Variants in HDAC9 observed in about 807,000 individuals in gnomAD.
HDAC9 encodes the protein histone deacetylase 9, also known as MEF-2 interacting transcription repressor (MITR) protein.
Under a neutral mutation model 139.4 loss-of-function variants are expected in HDAC9, and 41 were observed. That is an observed-to-expected ratio of 0.29 (90% CI 0.23 to 0.38). The LOEUF is 0.38. HDAC9 is among the 10% of genes least tolerant of loss of function. The pLI is 1.00. For synonymous variants in HDAC9, 517 were observed against 476.2 expected, an observed-to-expected ratio of 1.09 and a Z score of -1.12; for missense variants, 1,147 against 1,297.0, an observed-to-expected ratio of 0.88 and a Z score of 1.78.
At chr7:18,735,987 T>A (rs1786854969) in intron 13 of HDAC9, among the ~76,000 whole-genome samples, 1 of 152,224 alleles carries the variant, frequency 6.6e-6, no homozygotes, top group Non-Finnish European at 1.5e-5. Flanking sequence ...TTTTATTCTC[T>A]TTGTAGTAAT....
At chr7:18,453,676 T>C (rs1793087845) in intron 1 of HDAC9, among the ~76,000 whole-genome samples, 1 of 152,206 alleles carries the variant, frequency 6.6e-6, no homozygotes, top group South Asian at 2.1e-4. Context: ...TCATAACTTA[T>C]TTTGTTTTGT....
chr7:18,894,023 T>G lies in HDAC9; in HGVS notation c.2803+19427T>G, dbSNP rs114276504. ...GAAGTGGGGAAAAGTAGTCATAGTT[T>G]GATTTATTTTAAAGGTGAGTGAACT... On this transcript the variant is annotated intron_variant, in intron 22 of 25. Coordinates refer to ENST00000686413, the MANE Select transcript of HDAC9 (RefSeq NM_178425.4). 5.3e-3 allele frequency among the ~76,000 whole-genome samples: 812 copies of G among 152,212 alleles called. 6 individuals carry two copies. Among genetic ancestry groups the G allele is most frequent in the African/African-American group, 0.019 (787 of 41,550 alleles).
chr7:18,284,686 A>G (rs985030809), intron 2 of HDAC9, among the ~76,000 whole-genome samples: 3 of 152,140 alleles, frequency 2.0e-5, no homozygotes, highest in Non-Finnish European at 4.4e-5. Flanking sequence ...GTAAATTAGG[A>G]ATGAGAAAAC....
At chr7:18,586,682 C>T (rs1433610313) in intron 3 of HDAC9, among the ~76,000 whole-genome samples, 1 of 151,928 alleles carries the variant, frequency 6.6e-6, no homozygotes, top group Non-Finnish European at 1.5e-5. Context: ...ATCGTATATT[C>T]CTAAAAAGGC....
chr7:18,963,842 G>T (rs539018299), intron 24 of HDAC9, among the ~76,000 whole-genome samples: 2 of 152,202 alleles, frequency 1.3e-5, no homozygotes, highest in East Asian at 3.9e-4. Flanking sequence ...CACACCTAAG[G>T]CACTGTTTTA....
intron 2 of HDAC9, among the ~76,000 whole-genome samples, chr7:18,269,651 G>T (rs1487331574): frequency 6.6e-6 from 1 of 152,132 alleles, no homozygotes; most frequent in Non-Finnish European, 1.5e-5. Context: ...GAGCCCTGGA[G>T]TTGGAGGTTG....
chr7:18,142,642 C>T (rs530976610), intron 1 of HDAC9, among the ~76,000 whole-genome samples: 1 of 152,302 alleles, frequency 6.6e-6, no homozygotes, highest in Admixed American at 6.5e-5. Flanking sequence ...AGAGTTTTGT[C>T]CTTCCTGGGA....
chr7:18,723,775 A>G (rs1307985261), intron 12 of HDAC9, among the ~76,000 whole-genome samples: 3 of 152,100 alleles, frequency 2.0e-5, no homozygotes, highest in South Asian at 2.1e-4. Context: ...GTATCAAACT[A>G]CTCATTAACA....
intron 6 of HDAC9, among the ~76,000 whole-genome samples, chr7:18,602,525 T>C (rs774873421): frequency 2.0e-4 from 31 of 151,988 alleles, no homozygotes; most frequent in Non-Finnish European, 4.3e-4. Flanking sequence ...CTCTATTTTT[T>C]TTAAAGTGGA....
chr7:18,257,287 AGGAGGTG>A (rs1795319890), intron 2 of HDAC9, among the ~76,000 whole-genome samples: 1 of 57,562 alleles, frequency 1.7e-5, no homozygotes, highest in Non-Finnish European at 5.7e-5. Flanking sequence ...GCTTGAGCTC[AGGAGGTG>A]GAGGTCGCAA....
chr7:18,372,476 A>G (rs1784667198), intron 1 of HDAC9, among the ~76,000 whole-genome samples: 1 of 152,210 alleles, frequency 6.6e-6, no homozygotes, highest in African/African-American at 2.4e-5. Context: ...CCTTAAGTGA[A>G]GACCACGTCA....
In HDAC9 at chr7:18,495,868, C is replaced by G. The variant is rs568751593; in HGVS notation, c.-197C>G. On this transcript the variant is annotated 5_prime_UTR_variant, in exon 1 of 26. Transcript: ENST00000686413. ...ACTCTAAGCCAGGTTTAATTGGTTT[C>G]TTTTTCTCGTGGGTAGACTTAATAA... is the stretch of plus-strand genomic sequence containing the variant. 10 of 1,096,514 alleles carry G rather than the reference C, an allele frequency of 9.1e-6. No homozygotes were observed. In the Admixed American group the frequency reaches 4.9e-4, roughly 54 times the overall value. The allele number at this position is 1,096,514 out of a possible 1,614,324, so 67.9% of individuals were successfully genotyped here.
At chr7:18,123,152 G>C (rs1784458877) in intron 1 of HDAC9, among the ~76,000 whole-genome samples, 1 of 152,098 alleles carries the variant, frequency 6.6e-6, no homozygotes, top group Admixed American at 6.5e-5. Context: ...AATGGAAGCT[G>C]GTAGGCTATC....
At chr7:18,862,101 T>C (rs1323516719) in intron 21 of HDAC9, among the ~76,000 whole-genome samples, 1 of 152,138 alleles carries the variant, frequency 6.6e-6, no homozygotes, top group Admixed American at 6.5e-5. Context: ...GTTCTTGCAG[T>C]GAAATAGTTT....
chr7:18,586,908 A>G (rs1829632920), intron 3 of HDAC9, among the ~76,000 whole-genome samples: 1 of 152,128 alleles, frequency 6.6e-6, no homozygotes. Context: ...CTTTATTTAA[A>G]TTTGACCTTT....
At chr7:18,256,948 G>A (rs1276656829) in intron 2 of HDAC9, among the ~76,000 whole-genome samples, 1 of 151,890 alleles carries the variant, frequency 6.6e-6, no homozygotes, top group Non-Finnish European at 1.5e-5. Context: ...AAATAACCAG[G>A]CATGGTGGTG....
chr7:18,095,471 T>C (rs1782445469), intron 1 of HDAC9, among the ~76,000 whole-genome samples: 1 of 152,184 alleles, frequency 6.6e-6, no homozygotes, highest in Non-Finnish European at 1.5e-5. Flanking sequence ...ATTTATGGTC[T>C]TCTTGCAATT....
chr7:18,548,298 T>C (rs2128647803), intron 2 of HDAC9, among the ~76,000 whole-genome samples: 1 of 152,188 alleles, frequency 6.6e-6, no homozygotes, highest in Middle Eastern at 3.4e-3. Flanking sequence ...AGATCACTGA[T>C]TACAGATTAC....
At chr7:18,739,661 C>A (rs1335892491) in intron 13 of HDAC9, among the ~76,000 whole-genome samples, 1 of 152,130 alleles carries the variant, frequency 6.6e-6, no homozygotes, top group African/African-American at 2.4e-5. Flanking sequence ...AGGCAGCTGC[C>A]TATATGAGGT....
Sources: allele counts gnomAD v4.1 joint callset (sites outside exome capture counted in the v4.1 genomes callset), GRCh38; gene constraint gnomAD v4.1.1; transcripts MANE v1.5; gene names NCBI Gene and HGNC (gene_info 2026-07-23, HGNC 2026-07-21).